The following GLI2 variants were observed in gnomAD, a reference collection of about 807,000 sequenced individuals.
GLI2 encodes GLI family zinc finger 2, also known as transcription activator GLI2.
GLI2 carries 22 observed loss-of-function variants against 78.9 expected under a neutral mutation model. The observed-to-expected ratio is 0.28, with a 90% CI of 0.20 to 0.40. GLI2 has a LOEUF of 0.40. GLI2 is among the 10% of genes least tolerant of loss of function. The pLI is 1.00. For missense variants in GLI2, 2,097 were observed against 2,213.2 expected (o/e 0.95, Z 1.05); for synonymous variants, 974 against 963.7 (o/e 1.01, Z -0.20).
intron 3 of GLI2, among the ~76,000 whole-genome samples, chr2:120,931,668 G>A (rs560598332): frequency 2.0e-5 from 3 of 152,226 alleles, no homozygotes; most frequent in Admixed American, 2.0e-4. Flanking sequence ...TTGTACTGGT[G>A]AATCTTCCTG....
rs111258811 is a variant in GLI2, at chr2:120,755,776, A to T, written c.-31+19491A>T. Among the ~76,000 whole-genome samples, 627 of 152,192 alleles carry T rather than the reference A, an allele frequency of 4.1e-3. 6 individuals are homozygous for T. Among genetic ancestry groups the T allele is most frequent in the African/African-American group, 0.014 (592 of 41,552 alleles). Reference sequence around the variant, plus strand: ...TAAGCTAATATTTGTATATAATACAAAGTATGTATCAAAGTTCTTTTAAAA... The same window carrying T: ...TAAGCTAATATTTGTATATAATACATAGTATGTATCAAAGTTCTTTTAAAA... On this transcript the variant is annotated intron_variant, in intron 1 of 13. Transcript: ENST00000361492.
In GLI2 at chr2:120,984,617, C is replaced by T; in HGVS notation, c.1779C>T (p.Leu593=). The T allele has an allele frequency of 6.2e-7, 1 of 1,614,210 alleles. No individual in the cohort carries two copies. The highest frequency in any genetic ancestry group is 8.5e-7 in the Non-Finnish European group (1 of 1,180,030). The change falls in exon 12 of 14, where the codon CTC becomes CTT. Residue 593 remains leucine (L), a synonymous_variant. Transcript: ENST00000361492. ...ACGTGCACCTCCGCACACCGCTGCTCAAAGAGAATGGGGACAGTGAGGCCG... is the reference window on the plus strand; with the variant it reads ...ACGTGCACCTCCGCACACCGCTGCTTAAAGAGAATGGGGACAGTGAGGCCG... ...RNDVHLRTPL[L]KENGDSEAGT...
chr2:120,841,906 A>G (rs1686900871), intron 2 of GLI2, among the ~76,000 whole-genome samples: 1 of 128,910 alleles, frequency 7.8e-6, no homozygotes, highest in Non-Finnish European at 1.7e-5. Context: ...GGCTCTGGGA[A>G]AGATAAATGA....
intron 2 of GLI2, among the ~76,000 whole-genome samples, chr2:120,823,139 G>A (rs765008406): frequency 9.2e-5 from 14 of 152,156 alleles, no homozygotes; most frequent in African/African-American, 1.2e-4. Flanking sequence ...TGCAGCGGCC[G>A]CACACCGTCT....
rs1440990209 is a variant in GLI2, at chr2:120,842,939, GC to G, written c.148+45474del. On this transcript the variant is annotated intron_variant, in intron 2 of 13. Transcript: ENST00000361492. ...GAGCTGCTTACTCAGACCTTCAGTG[GC>G]CCAGCTGGAAGTCTGGTTGGGGAAT... is the stretch of plus-strand genomic sequence containing the variant. Among the ~76,000 whole-genome samples the G allele has an allele frequency of 4.6e-5, 7 of 152,262 alleles. No homozygotes were observed. The East Asian group carries it at 1.4e-3, about 29-fold the overall frequency.
At chr2:120,912,194 C>T (rs558271567) in intron 2 of GLI2, among the ~76,000 whole-genome samples, 75 of 152,150 alleles carry the variant, frequency 4.9e-4, no homozygotes, top group African/African-American at 1.7e-3. Flanking sequence ...AGATCTTAAA[C>T]CCTGTTTATT....
At chr2:120,948,977 C>T (rs1052267514) in intron 3 of GLI2, among the ~76,000 whole-genome samples, 25 of 152,154 alleles carry the variant, frequency 1.6e-4, no homozygotes, top group East Asian at 3.9e-4. Context: ...GAGCCACACT[C>T]AGCCTTCCAG....
At chr2:120,765,157 C>A (rs1488527805) in intron 1 of GLI2, among the ~76,000 whole-genome samples, 1 of 152,168 alleles carries the variant, frequency 6.6e-6, no homozygotes, top group Non-Finnish European at 1.5e-5. Flanking sequence ...CTCTGCTGGT[C>A]CCACTGTCTC....
chr2:120,778,609 G>A (rs1162621028), intron 1 of GLI2, among the ~76,000 whole-genome samples: 4 of 152,156 alleles, frequency 2.6e-5, no homozygotes, highest in Non-Finnish European at 4.4e-5. Flanking sequence ...GGGTGAGACG[G>A]GGTGAAGTCA....
intron 1 of GLI2, among the ~76,000 whole-genome samples, chr2:120,758,785 G>A (rs891258193): frequency 1.3e-5 from 2 of 152,204 alleles, no homozygotes; most frequent in Non-Finnish European, 2.9e-5. Flanking sequence ...GTCAGGCCAG[G>A]CCAGCCGTGG....
intron 2 of GLI2, among the ~76,000 whole-genome samples, chr2:120,921,602 C>T (rs1484510859): frequency 3.3e-5 from 5 of 152,132 alleles, no homozygotes; most frequent in East Asian, 1.9e-4. Context: ...AGAGAAGGGA[C>T]ATAATTTCCC....
At chr2:120,887,917 C>G (rs970662447) in intron 2 of GLI2, among the ~76,000 whole-genome samples, 1 of 152,186 alleles carries the variant, frequency 6.6e-6, no homozygotes, top group Non-Finnish European at 1.5e-5. Flanking sequence ...ATTCACAAAC[C>G]CCTTTTATTG....
At chr2:120,764,983 A>G (rs534742698) in intron 1 of GLI2, among the ~76,000 whole-genome samples, 1 of 152,356 alleles carries the variant, frequency 6.6e-6, no homozygotes, top group East Asian at 1.9e-4. Flanking sequence ...CCATTCATGC[A>G]GTATTTGCCC....
chr2:120,958,622 CCCCGT>C (rs1388913467), intron 5 of GLI2, among the ~76,000 whole-genome samples: 5 of 152,174 alleles, frequency 3.3e-5, no homozygotes, highest in Admixed American at 3.3e-4. Flanking sequence ...ACTTTAGAAC[CCCCGT>C]CCAGAGGCCT....
chr2:120,814,667 G>C (rs1479135515), intron 2 of GLI2, among the ~76,000 whole-genome samples: 1 of 152,214 alleles, frequency 6.6e-6, no homozygotes, highest in Non-Finnish European at 1.5e-5. Flanking sequence ...TCTCACAGGA[G>C]CAAGAACCCT....
At chr2:120,952,491 C>A (rs11682618) in intron 4 of GLI2, among the ~76,000 whole-genome samples, 1 of 152,150 alleles carries the variant, frequency 6.6e-6, no homozygotes, top group African/African-American at 2.4e-5. Flanking sequence ...TGGGATTGCA[C>A]GATGAAAAGG....
intron 1 of GLI2, among the ~76,000 whole-genome samples, chr2:120,775,009 G>A (rs1450353547): frequency 6.6e-6 from 1 of 152,170 alleles, no homozygotes; most frequent in Non-Finnish European, 1.5e-5. Context: ...TGTGTGGGTG[G>A]TCCAGGAAGC....
chr2:120,873,858 G>A (rs776282010), intron 2 of GLI2, among the ~76,000 whole-genome samples: 4 of 152,124 alleles, frequency 2.6e-5, no homozygotes, highest in Admixed American at 6.6e-5. Flanking sequence ...AGTTCGTAAC[G>A]ACAGAGAACA....
Position 120,927,364 on chromosome 2 carries a change from C to G in GLI2, c.152C>G (p.Pro51Arg), listed in dbSNP as rs780172791. The part of the protein sequence containing the change: ...AAAAVAAQGV[P>R]QHLLPPFHAP... ...GTTTCTCTCTCCCCCTCTGCAGTGC[C>G]GCAGCATCTCTTGCCACCATTCCAT... The change falls in exon 3 of 14, where the codon CCG (proline) becomes CGG (arginine). Residue 51 changes from proline to arginine, a missense_variant. Physicochemically the swap from Pro to Arg is moderately radical, Grantham distance 103. Around this residue, in one of 5 missense-constraint regions of GLI2, gnomAD observed 578 missense variants for 612.0 expected, o/e 0.94. Transcript: ENST00000361492. 5.3e-5 allele frequency: 85 copies of G among 1,610,998 alleles called. No homozygotes were observed. Among genetic ancestry groups the G allele is most frequent in the Non-Finnish European group, 6.8e-5 (80 of 1,177,308 alleles).
Sources: allele counts gnomAD v4.1 joint callset (sites outside exome capture counted in the v4.1 genomes callset), GRCh38; gene constraint gnomAD v4.1.1; regional missense constraint gnomAD v4.1.1; transcripts MANE v1.5; gene names NCBI Gene and HGNC (gene_info 2026-07-23, HGNC 2026-07-21).